BTBD17: variants seen among roughly 807,000 people sequenced by gnomAD.
The protein encoded by BTBD17 is BTB domain containing 17, also known as BTB/POZ domain-containing protein 17.
In BTBD17, 26 loss-of-function variants were observed where a neutral mutation model predicts 36.9. The ratio of observed to expected loss-of-function variants is 0.70; its 90% confidence interval spans 0.52 to 0.98. BTBD17 has a LOEUF of 0.98. Among genes scored for constraint, BTBD17 ranks in the 50% least tolerant of loss-of-function variants. The pLI is 0.00. For missense variants in BTBD17, 630 were observed against 691.3 expected, an observed-to-expected ratio of 0.91 and a Z score of 0.99; for synonymous variants, 341 against 338.0, an observed-to-expected ratio of 1.01 and a Z score of -0.10.
upstream of BTBD17, among the ~76,000 whole-genome samples, chr17:74,363,322 G>A (rs998916959): frequency 4.6e-5 from 7 of 152,190 alleles, no homozygotes; most frequent in Middle Eastern, 3.4e-3. Context: ...CCAGCCCAGC[G>A]GAAACCCCTC....
At chr17:74,363,089 G>C (rs941638705), upstream of BTBD17, among the ~76,000 whole-genome samples, 1 of 152,036 alleles carries the variant, frequency 6.6e-6, no homozygotes, top group Non-Finnish European at 1.5e-5. Context: ...AACCGAAGTG[G>C]GTGACTCCCA....
rs773993940 is a variant in BTBD17, at chr17:74,356,627, AG to A, written c.*29del. The stretch of plus-strand genomic sequence containing the variant: ...CTTCCCAGACCCACAGGGACCACCT[AG>A]GCCAGGCCTTTATTCCCAGACCCCG... On this transcript the variant is annotated 3_prime_UTR_variant, in exon 3 of 3. Coordinates refer to ENST00000375366, the MANE Select transcript of BTBD17 (RefSeq NM_001080466.2). This position sits in a 1 kb window ranked among gnomAD's most constrained non-coding sequence, Gnocchi z 4.3. The A allele has an allele frequency of 3.2e-5, 46 of 1,458,116 alleles. No homozygotes were observed. The Admixed American group carries it at 3.5e-4, about 11-fold the overall frequency. 90.3% of individuals were successfully genotyped at this position (1,458,116 alleles called of 1,614,324 possible). A position where few individuals can be genotyped will look rare whatever the true frequency, so the allele number is the denominator to read the frequency against.
Position 74,357,090 on chromosome 17 carries a change from C to T in BTBD17, c.1004G>A (p.Arg335His). Residue 335 changes from arginine (R) to histidine (H), a missense_variant, in exon 3 of 3, where the codon CGC (arginine) becomes CAC (histidine). Arg to His is a conservative substitution (Grantham distance 29). Transcript: ENST00000375366. This position sits in a 1 kb window ranked among gnomAD's most constrained non-coding sequence, Gnocchi z 8.4. ...CAGCTGCGTCTGGAAGCTGGTGCTG[C>T]GGTCGTCGCGGGCCGGGTTGTTGAT... is the stretch of plus-strand genomic sequence containing the variant. ...WVINNPARDD[R>H]STSFQTQLGP... 2 of 1,521,308 alleles carry T rather than the reference C, an allele frequency of 1.3e-6. No individual in the cohort carries two copies. The highest frequency in any genetic ancestry group is 8.7e-7 in the Non-Finnish European group (1 of 1,147,314). 94.2% of individuals were successfully genotyped at this position (1,521,308 alleles called of 1,614,324 possible). A position where few individuals can be genotyped will look rare whatever the true frequency, so the allele number is the denominator to read the frequency against.
Position 74,357,335 on chromosome 17 carries a change from G to T in BTBD17, c.759C>A (p.Arg253=). ...GTGGGATCATGGGGTAGCGTATGGC[G>T]CGCAGCGCCCGCTCGGCCACGGCAG... ...PPPAVAERAL[R]AIRYPMIPPA... Residue 253 remains arginine, a synonymous_variant, in exon 3 of 3, where the codon CGC becomes CGA. Transcript: ENST00000375366. The surrounding 1 kb of genome is among the most constrained non-coding windows in gnomAD (Gnocchi z 8.4). The T allele has an allele frequency of 2.6e-6, 4 of 1,553,368 alleles. No individual in the cohort carries two copies. Among genetic ancestry groups the T allele is most frequent in the Non-Finnish European group, 3.5e-6 (4 of 1,157,070 alleles).
rs372146595 is a variant in BTBD17 at position 74,357,471 on chromosome 17, A to C, written c.623T>G (p.Val208Gly). The change falls in exon 3 of 3, where the codon GTG becomes GGG. Residue 208 changes from valine to glycine, a missense_variant. Coordinates refer to ENST00000375366, the MANE Select transcript of BTBD17 (RefSeq NM_001080466.2). The surrounding 1 kb of genome is among the most constrained non-coding windows in gnomAD (Gnocchi z 8.4). ...AVAASTEWGA[V>G]SPELLWQLLQ... The stretch of plus-strand genomic sequence containing the variant: ...GAGCTGCCAGAGCAGCTCGGGGCTC[A>C]CGGCGCCCCACTCGGTGCTGGCCGC... The C allele has an allele frequency of 6.4e-7, 1 of 1,574,770 alleles. No individual in the cohort carries two copies. The highest frequency in any genetic ancestry group is 8.6e-7 in the Non-Finnish European group (1 of 1,169,256).
Position 74,360,135 on chromosome 17 carries a change from C to T in BTBD17, c.196G>A (p.Val66Ile), listed in dbSNP as rs778377498. ...GTGCCCGCAGCCTGCACCCGCAGAA[C>T]CACATCGCTGGCGTTGCCCTGCCGC... is the stretch of plus-strand genomic sequence containing the variant. ...LLRQGNASDVVLRVQAAGTDE... is the reference protein window; with the variant it reads ...LLRQGNASDVILRVQAAGTDE... The change falls in exon 2 of 3, where the codon GTT becomes ATT. Residue 66 changes from valine (V) to isoleucine (I), a missense_variant. Coordinates refer to ENST00000375366, the MANE Select transcript of BTBD17 (RefSeq NM_001080466.2). 6.2e-7 allele frequency: 1 copy of T among 1,613,054 alleles called. No homozygotes were observed. Among genetic ancestry groups the T allele is most frequent in the Non-Finnish European group, 8.5e-7 (1 of 1,179,960 alleles).
chr17:74,357,841 G>A lies in BTBD17; in HGVS notation c.363-110C>T, dbSNP rs987667784. The A allele has an allele frequency of 3.6e-6, 3 of 832,682 alleles. No individual in the cohort carries two copies. The highest frequency in any genetic ancestry group is 1.8e-6 in the Non-Finnish European group (1 of 557,290). The allele number at this position is 832,682 out of a possible 1,614,324, so 51.6% of individuals were successfully genotyped here. ...GCCTGGAGTTGGAGCTTCACTGTCC[G>A]GGTGCAAACACAGTGGAAGCCCCAC... On this transcript the variant is annotated intron_variant, in intron 2 of 2. Transcript: ENST00000375366. This position sits in a 1 kb window ranked among gnomAD's most constrained non-coding sequence, Gnocchi z 8.4.
In BTBD17 at chr17:74,357,229, C is replaced by T. The variant is rs767000392; in HGVS notation, c.865G>A (p.Ala289Thr). ...GGCGACGCGGCGTGGAACTGGTAGGCCTGCAGCAGGAGGTCGGCCACCGCG... is the reference window on the plus strand; with the variant it reads ...GGCGACGCGGCGTGGAACTGGTAGGTCTGCAGCAGGAGGTCGGCCACCGCG... ...GPAVADLLLQ[A>T]YQFHAASPLH... Residue 289 changes from alanine (A) to threonine (T), a missense_variant, in exon 3 of 3, where the codon GCC (alanine) becomes ACC (threonine). Coordinates refer to ENST00000375366, the MANE Select transcript of BTBD17 (RefSeq NM_001080466.2). This position sits in a 1 kb window ranked among gnomAD's most constrained non-coding sequence, Gnocchi z 8.4. 3.8e-6 allele frequency: 6 copies of T among 1,576,694 alleles called. No homozygotes were observed. In the Admixed American group the frequency reaches 7.2e-5, roughly 19 times the overall value.
At chr17:74,361,409 G>A (rs1396496553) in intron 1 of BTBD17, among the ~76,000 whole-genome samples, 1 of 152,214 alleles carries the variant, frequency 6.6e-6, no homozygotes, top group Admixed American at 6.5e-5. Context: ...AGGGACAAAG[G>A]GAGGGTGAAA....
Position 74,357,587 on chromosome 17 carries a change from C to A in BTBD17, c.507G>T (p.Ala169=). 6.5e-7 allele frequency: 1 copy of A among 1,548,642 alleles called. No homozygotes were observed. The highest frequency in any genetic ancestry group is 2.4e-5 in the East Asian group (1 of 41,332). ...CCACCGCGTAGTGGTACCAGCCCAC[C>A]GCCGGGCCCGCGCCTCCCGCCAGGT... is the stretch of plus-strand genomic sequence containing the variant. ...RAHLAGGAGP[A]VGWYHYAVGT... Residue 169 remains alanine (A), a synonymous_variant, in exon 3 of 3, where the codon GCG becomes GCT. Transcript: ENST00000375366. The surrounding 1 kb of genome is among the most constrained non-coding windows in gnomAD (Gnocchi z 8.4).
At chr17:74,359,600 G>T (rs2054922853) in intron 2 of BTBD17, among the ~76,000 whole-genome samples, 1 of 152,142 alleles carries the variant, frequency 6.6e-6, no homozygotes, top group African/African-American at 2.4e-5. Context: ...TGTTGGCCAG[G>T]CTGGTCTTGA....
At chr17:74,360,968 G>A (rs1331301687) in intron 1 of BTBD17, among the ~76,000 whole-genome samples, 3 of 152,158 alleles carry the variant, frequency 2.0e-5, no homozygotes, top group African/African-American at 4.8e-5. Context: ...GGTGTGAGAC[G>A]AGGCTGCGGG....
chr17:74,361,649 G>A (rs1413707688), intron 1 of BTBD17, 86 bp downstream of exon 1: 17 of 1,091,206 alleles, frequency 1.6e-5, no homozygotes, highest in Non-Finnish European at 2.2e-5. Context: ...GCTGGACACC[G>A]CCCCCTCCTG....
At chr17:74,359,845 C>T in intron 2 of BTBD17, 124 bp downstream of exon 2, 2 of 947,336 alleles carry the variant, frequency 2.1e-6, no homozygotes, top group Non-Finnish European at 3.2e-6. Flanking sequence ...CACTGTCATC[C>T]CAGTGATGTC....
intron 2 of BTBD17, among the ~76,000 whole-genome samples, chr17:74,358,630 T>A (rs776346814): frequency 1.3e-5 from 2 of 151,978 alleles, no homozygotes; most frequent in Non-Finnish European, 2.9e-5. Context: ...AGCCTCACCT[T>A]TCTTTTTCCT....
rs1459951285 is a variant in BTBD17 at position 74,357,353 on chromosome 17, C to A, written c.741G>T (p.Val247=). ...WLGRARPPPA[V]AERALRAIRY... is the part of the protein sequence containing the mutation. ...GTATGGCGCGCAGCGCCCGCTCGGC[C>A]ACGGCAGGGGGCGGCCGCGCGCGAC... The change falls in exon 3 of 3, where the codon GTG becomes GTT. Residue 247 remains valine, a synonymous_variant. Transcript: ENST00000375366. The surrounding 1 kb of genome is among the most constrained non-coding windows in gnomAD (Gnocchi z 8.4). The A allele has an allele frequency of 6.4e-7, 1 of 1,552,512 alleles. No homozygotes were observed. Among genetic ancestry groups the A allele is most frequent in the Non-Finnish European group, 8.6e-7 (1 of 1,157,372 alleles).
chr17:74,357,267 G>T lies in BTBD17; in HGVS notation c.827C>A (p.Ala276Glu), dbSNP rs777603284. Residue 276 changes from alanine to glutamate, a missense_variant, in exon 3 of 3, where the codon GCG (alanine) becomes GAG (glutamate). Coordinates refer to ENST00000375366, the MANE Select transcript of BTBD17 (RefSeq NM_001080466.2). This position sits in a 1 kb window ranked among gnomAD's most constrained non-coding sequence, Gnocchi z 8.4. ...FQLQARSAAL[A>E]RHGPAVADLL... ...GTCGGCCACCGCGGGGCCGTGGCGC[G>T]CCAGGGCTGCCGAGCGCGCCTGCAG... 3.2e-6 allele frequency: 5 copies of T among 1,558,262 alleles called. No individual in the cohort carries two copies. Among genetic ancestry groups the T allele is most frequent in the Admixed American group, 1.9e-5 (1 of 52,442 alleles).
At chr17:74,361,910 A>C, upstream of BTBD17, 1 of 1,039,854 alleles carries the variant, frequency 9.6e-7, no homozygotes, top group Admixed American at 2.3e-5. Flanking sequence ...ATCCGGCACA[A>C]GGGGACGGCA....
Position 74,357,735 on chromosome 17 carries a change from CG to C in BTBD17, c.363-5del. On this transcript the variant is annotated splice_polypyrimidine_tract_variant and splice_region_variant and intron_variant, in intron 2 of 2. Coordinates refer to ENST00000375366, the MANE Select transcript of BTBD17 (RefSeq NM_001080466.2). The surrounding 1 kb of genome is among the most constrained non-coding windows in gnomAD (Gnocchi z 8.4). ...CAGCTCCCCGCAGTACAGGTACCTG[CG>C]GGAGAGACCGAGAGGTGGGGCGGGG... is the stretch of plus-strand genomic sequence containing the variant. 1 of 1,525,500 alleles carries C rather than the reference CG, an allele frequency of 6.6e-7. No homozygotes were observed. The highest frequency in any genetic ancestry group is 8.8e-7 in the Non-Finnish European group (1 of 1,137,034). The allele number at this position is 1,525,500 out of a possible 1,614,324, so 94.5% of individuals were successfully genotyped here.
Sources: allele counts gnomAD v4.1 joint callset (sites outside exome capture counted in the v4.1 genomes callset), GRCh38; gene constraint gnomAD v4.1.1; non-coding constraint Gnocchi (gnomAD v3.1); transcripts MANE v1.5; gene names NCBI Gene and HGNC (gene_info 2026-07-23, HGNC 2026-07-21).